PRKCZ: variants seen among roughly 807,000 people sequenced by gnomAD.
PRKCZ encodes protein kinase C zeta type.
Under a neutral mutation model 79.5 loss-of-function variants are expected in PRKCZ, and 33 were observed. That is an observed-to-expected ratio of 0.41 (90% confidence interval 0.31 to 0.55). PRKCZ has a LOEUF of 0.55. PRKCZ is among the 20% of genes least tolerant of loss of function. The pLI, the probability that PRKCZ is intolerant of heterozygous loss-of-function variation, is 0.19. For synonymous variants in PRKCZ, 342 were observed against 320.9 expected (o/e 1.07, Z -0.70); for missense variants, 578 against 813.5 (o/e 0.71, Z 3.52).
rs1685726155 is a variant in PRKCZ, at chr1:2,177,562, TG to T, written c.1575+2250del. Among the ~76,000 whole-genome samples, 1 of 152,206 alleles carries T rather than the reference TG, an allele frequency of 6.6e-6. No homozygotes were observed. Among genetic ancestry groups the T allele is most frequent in the Non-Finnish European group, 1.5e-5 (1 of 68,022 alleles). On this transcript the variant is annotated intron_variant, in intron 16 of 17. Transcript: ENST00000378567. The surrounding 1 kb of genome is among the most constrained non-coding windows in gnomAD (Gnocchi z 6.4). ...GACGGGCTCCTTCTCTTCGGAGCAC[TG>T]TCTAATCTGAGTGTGAGTCCAACCC...
chr1:2,149,040 C>A lies in PRKCZ; in HGVS notation c.687+116C>A. ...GAAATAGACATGGTCCGGGGTGTTG[C>A]TAACTAATCTTCACGGGTGTGGATG... On this transcript the variant is annotated intron_variant, in intron 8 of 17. Coordinates refer to ENST00000378567, the MANE Select transcript of PRKCZ (RefSeq NM_002744.6). This position sits in a 1 kb window ranked among gnomAD's most constrained non-coding sequence, Gnocchi z 4.1. 3.5e-6 allele frequency: 4 copies of A among 1,136,550 alleles called. No individual in the cohort carries two copies. The highest frequency in any genetic ancestry group is 2.0e-5 in the Admixed American group (1 of 49,054). 70.4% of individuals were successfully genotyped at this position (1,136,550 alleles called of 1,614,324 possible).
chr1:2,180,062 G>T (rs1686253060), intron 16 of PRKCZ, among the ~76,000 whole-genome samples: 1 of 152,164 alleles, frequency 6.6e-6, no homozygotes, highest in Admixed American at 6.5e-5. Context: ...CATGGAGAGG[G>T]ACAAGCCCCA....
At chr1:2,148,720 C>A in intron 7 of PRKCZ, 152 bp from the exon 8 acceptor site, 1 of 716,156 alleles carries the variant, frequency 1.4e-6, no homozygotes, top group Non-Finnish European at 2.2e-6. Context: ...ACTGCATTTT[C>A]AGAAGACTCT....
chr1:2,117,761 A>AT (rs1671028131), intron 4 of PRKCZ, among the ~76,000 whole-genome samples: 1 of 152,044 alleles, frequency 6.6e-6, no homozygotes, highest in Non-Finnish European at 1.5e-5. Flanking sequence ...ATGGTGCTGA[A>AT]TTTTTTCAGA....
rs72914902 is a variant in PRKCZ, at chr1:2,101,056, A to C, written c.335-34206A>C. Among the ~76,000 whole-genome samples the C allele has an allele frequency of 1.7e-3, 256 of 148,874 alleles. 1 individual carries two copies. The highest frequency in any genetic ancestry group is 6.1e-3 in the African/African-American group (246 of 40,438). ...AAAAAAAAGGCGTTAAGATGATTCT[A>C]CTTTGTAGAGGGATCCCAAGGGAGC... is the stretch of plus-strand genomic sequence containing the variant. On this transcript the variant is annotated intron_variant, in intron 4 of 17. Transcript: ENST00000378567.
At chr1:2,156,590 A>T (rs1681096573) in intron 10 of PRKCZ, 1 of 165,572 alleles carries the variant, frequency 6.0e-6, no homozygotes, top group Non-Finnish European at 1.3e-5. Flanking sequence ...AGTCCTCAAG[A>T]CCATCCCCAG....
chr1:2,060,325 C>T (rs535876651), intron 4 of PRKCZ, among the ~76,000 whole-genome samples: 60 of 152,258 alleles, frequency 3.9e-4, no homozygotes, highest in Non-Finnish European at 7.1e-4. Flanking sequence ...GGGCACACAC[C>T]TCGCTGGCCT....
chr1:2,074,494 G>GTGGGCAGATTGA (rs2102326026), intron 4 of PRKCZ, among the ~76,000 whole-genome samples: 1 of 152,328 alleles, frequency 6.6e-6, no homozygotes, highest in Non-Finnish European at 1.5e-5. Flanking sequence ...ATTGCTGCAG[G>GTGGGCAGATTGA]TGGGCAGATT....
intron 4 of PRKCZ, among the ~76,000 whole-genome samples, chr1:2,120,300 T>TG (rs1430994878): frequency 8.0e-5 from 10 of 124,924 alleles, no homozygotes; most frequent in Middle Eastern, 3.8e-3. Context: ...TTCGTTTTTT[T>TG]TTTTTTTTTT....
At chr1:2,156,592 C>A (rs746839714) in intron 10 of PRKCZ, 9 of 164,346 alleles carry the variant, frequency 5.5e-5, no homozygotes, top group Non-Finnish European at 1.2e-4. Flanking sequence ...TCCTCAAGAC[C>A]ATCCCCAGGT....
At chr1:2,140,063 AG>A (rs1325536986) in intron 5 of PRKCZ, among the ~76,000 whole-genome samples, 1 of 152,172 alleles carries the variant, frequency 6.6e-6, no homozygotes, top group Admixed American at 6.5e-5. Flanking sequence ...ATAGAGAGTG[AG>A]GGTGGGGAAG....
chr1:2,085,117 G>C (rs1228427647), intron 4 of PRKCZ, among the ~76,000 whole-genome samples: 2 of 152,122 alleles, frequency 1.3e-5, no homozygotes, highest in African/African-American at 2.4e-5. Context: ...GTGGCTCTGC[G>C]GGTAGGGGGC....
chr1:2,107,385 G>A (rs908743), intron 4 of PRKCZ, among the ~76,000 whole-genome samples: 66,229 of 152,064 alleles, frequency 0.44, 15,263 homozygotes, highest in Non-Finnish European at 0.51. Context: ...CAGTGGATGC[G>A]TCCTCTCTCC....
intron 4 of PRKCZ, among the ~76,000 whole-genome samples, chr1:2,095,565 G>A (rs1389613081): frequency 2.0e-5 from 3 of 152,046 alleles, no homozygotes; most frequent in Non-Finnish European, 4.4e-5. Flanking sequence ...GGGAGGATTC[G>A]CGCTTTGCGT....
intron 17 of PRKCZ, 39 bp downstream of exon 17, chr1:2,184,737 G>C: frequency 6.3e-7 from 1 of 1,579,986 alleles, no homozygotes; most frequent in Non-Finnish European, 8.6e-7. Flanking sequence ...AGCACCCCTC[G>C]GGCAGCCCCA....
At chr1:2,133,258 T>C (rs1357593785) in intron 4 of PRKCZ, among the ~76,000 whole-genome samples, 1 of 148,888 alleles carries the variant, frequency 6.7e-6, no homozygotes, top group Non-Finnish European at 1.5e-5. Flanking sequence ...TGCGCGGCCG[T>C]CCCTCGGCTC....
At chr1:2,048,887 C>T (rs527409723), upstream of PRKCZ, among the ~76,000 whole-genome samples, 21 of 152,312 alleles carry the variant, frequency 1.4e-4, no homozygotes, top group African/African-American at 4.3e-4. Flanking sequence ...TGTCTGAGGC[C>T]GGGCACAGTG....
chr1:2,139,261 A>G (rs567752141), intron 5 of PRKCZ, among the ~76,000 whole-genome samples: 48 of 152,276 alleles, frequency 3.2e-4, no homozygotes, highest in African/African-American at 1.1e-3. Context: ...GGGAAACACA[A>G]GACATTTTCT....
chr1:2,067,169 G>A (rs982697685), intron 4 of PRKCZ, among the ~76,000 whole-genome samples: 1 of 152,136 alleles, frequency 6.6e-6, no homozygotes, highest in African/African-American at 2.4e-5. Context: ...AATCTACCGC[G>A]GCTGAGTCTG....
Sources: gnomAD v4.1 joint callset for allele counts (sites outside exome capture counted in the v4.1 genomes callset) on GRCh38, gnomAD v4.1.1 for gene constraint, Gnocchi (gnomAD v3.1) non-coding constraint, MANE v1.5 for transcripts, NCBI Gene and HGNC (gene_info 2026-07-23, HGNC 2026-07-21) for gene names.